The following ASTN2 variants were observed in gnomAD, a reference collection of about 807,000 sequenced individuals.
ASTN2 encodes the protein astrotactin-2.
A neutral mutation model predicts 139.8 loss-of-function variants in ASTN2; 54 were observed. That is an observed-to-expected ratio of 0.39 (90% CI 0.31 to 0.48). The LOEUF is 0.48. Ranked by LOEUF, ASTN2 falls within the 20% of genes least tolerant of loss-of-function variation. The pLI, the probability that ASTN2 is intolerant of heterozygous loss-of-function variation, is 0.95. For missense variants in ASTN2, 1,565 were observed against 1,725.1 expected (o/e 0.91, Z 1.64); for synonymous variants, 756 against 719.5 (o/e 1.05, Z -0.81).
At chr9:117,000,765 T>A (rs1588470699) in intron 7 of ASTN2, among the ~76,000 whole-genome samples, 4 of 152,290 alleles carry the variant, frequency 2.6e-5, no homozygotes, top group Admixed American at 2.6e-4. Context: ...CATCCAGTGT[T>A]GTGCTGGTAA....
At chr9:117,317,074 C>T (rs1828166288) in intron 1 of ASTN2, among the ~76,000 whole-genome samples, 1 of 152,076 alleles carries the variant, frequency 6.6e-6, no homozygotes, top group Non-Finnish European at 1.5e-5. Context: ...CCTCTACTTT[C>T]CCTCCCCTAT....
chr9:116,852,325 A>G (rs1832627988), intron 11 of ASTN2, among the ~76,000 whole-genome samples: 1 of 152,208 alleles, frequency 6.6e-6, no homozygotes, highest in Admixed American at 6.5e-5. Context: ...AGAGGGGCTC[A>G]GATACATTCA....
At chr9:117,381,494 A>T (rs547756038) in intron 1 of ASTN2, among the ~76,000 whole-genome samples, 3 of 152,240 alleles carry the variant, frequency 2.0e-5, no homozygotes, top group Admixed American at 6.5e-5. Context: ...CAAGATAGTG[A>T]CGGAGTTCTT....
At chr9:117,048,907 C>T (rs1307240232) in intron 5 of ASTN2, among the ~76,000 whole-genome samples, 1 of 149,606 alleles carries the variant, frequency 6.7e-6, no homozygotes, top group Non-Finnish European at 1.5e-5. Context: ...CTAAGTCCCA[C>T]TAGCTGGATA....
intron 17 of ASTN2, among the ~76,000 whole-genome samples, chr9:116,630,507 C>T (rs1042436359): frequency 2.0e-5 from 3 of 152,130 alleles, no homozygotes; most frequent in African/African-American, 7.2e-5. Context: ...TTCCTAAATA[C>T]TAAGGGCAGG....
At chr9:116,750,219 A>G (rs1829360334) in intron 13 of ASTN2, among the ~76,000 whole-genome samples, 1 of 152,344 alleles carries the variant, frequency 6.6e-6, no homozygotes, top group Middle Eastern at 3.4e-3. Context: ...TCAAAGCCAC[A>G]TTTTAACTGA....
In ASTN2 at chr9:116,424,840, T is replaced by G. The variant is rs1210185718; in HGVS notation, c.*1011A>C. On this transcript the variant is annotated 3_prime_UTR_variant, in exon 23 of 23. Coordinates refer to ENST00000313400, the MANE Select transcript of ASTN2 (RefSeq NM_001365068.1). ...CTGGCCTCAAGTGATCCACCTGCCC[T>G]GGCCTCCCAAAGTGCTAGGATTACA... is the stretch of plus-strand genomic sequence containing the variant. 6.6e-6 allele frequency among the ~76,000 whole-genome samples: 1 copy of G among 152,138 alleles called. No homozygotes were observed. The highest frequency in any genetic ancestry group is 2.4e-5 in the African/African-American group (1 of 41,430).
At chr9:117,204,893 T>C (rs1222637184) in intron 3 of ASTN2, among the ~76,000 whole-genome samples, 3 of 128,396 alleles carry the variant, frequency 2.3e-5, no homozygotes, top group Non-Finnish European at 5.0e-5. Context: ...GATTTTCTTT[T>C]AGACAAAGGA....
chr9:117,149,937 C>T (rs886896712), intron 3 of ASTN2, among the ~76,000 whole-genome samples: 10 of 152,122 alleles, frequency 6.6e-5, no homozygotes, highest in South Asian at 2.1e-4. Flanking sequence ...TTCAAGCAAG[C>T]GTCTGCAGAC....
chr9:116,532,872 A>C (rs904426068), intron 19 of ASTN2, among the ~76,000 whole-genome samples: 2 of 152,180 alleles, frequency 1.3e-5, no homozygotes, highest in Non-Finnish European at 2.9e-5. Context: ...CATGAACTTT[A>C]AAGTAGTTTT....
At chr9:116,775,608 AGAAGGAAGGAAGGAAG>A (rs534452959) in intron 13 of ASTN2, among the ~76,000 whole-genome samples, 1 of 34,852 alleles carries the variant, frequency 2.9e-5, no homozygotes, top group Non-Finnish European at 5.0e-5. Flanking sequence ...AGGGAGGGAA[AGAAGGAAGGAAGGAAG>A]GAAGGAAGGA....
chr9:116,965,266 C>T lies in ASTN2; in HGVS notation c.1889+9942G>A, dbSNP rs181237905. Among the ~76,000 whole-genome samples the T allele has an allele frequency of 1.5e-3, 235 of 152,306 alleles. 2 individuals are homozygous for T. The highest frequency in any genetic ancestry group is 3.9e-3 in the South Asian group (19 of 4,826). On this transcript the variant is annotated intron_variant, in intron 10 of 22. Coordinates refer to ENST00000313400, the MANE Select transcript of ASTN2 (RefSeq NM_001365068.1). ...AACCTGTTAGATGAATAAACTTAAA[C>T]ATTCAGGGAGAATTTTGAAGACATG...
At chr9:116,797,836 T>G (rs891382828) in intron 13 of ASTN2, among the ~76,000 whole-genome samples, 6 of 152,240 alleles carry the variant, frequency 3.9e-5, no homozygotes, top group African/African-American at 1.4e-4. Context: ...CAGGGTTGGA[T>G]GCCATGTCTC....
intron 4 of ASTN2, among the ~76,000 whole-genome samples, chr9:117,106,307 A>C (rs1587969705): frequency 6.6e-6 from 1 of 151,810 alleles, no homozygotes; most frequent in African/African-American, 2.4e-5. Context: ...GCTCACTGCA[A>C]CCTCCGCCTC....
intron 19 of ASTN2, among the ~76,000 whole-genome samples, chr9:116,536,087 T>C (rs1170977427): frequency 6.6e-6 from 1 of 152,050 alleles, no homozygotes; most frequent in African/African-American, 2.4e-5. Flanking sequence ...ACTTCTCTTC[T>C]TGCTTCATTT....
chr9:117,352,889 G>A (rs1411909945), intron 1 of ASTN2, among the ~76,000 whole-genome samples: 3 of 152,124 alleles, frequency 2.0e-5, no homozygotes, highest in African/African-American at 4.8e-5. Context: ...TAAGACACTA[G>A]GCTAAGTGAT....
chr9:116,439,442 C>A (rs1025018601), intron 22 of ASTN2, among the ~76,000 whole-genome samples: 4 of 139,462 alleles, frequency 2.9e-5, no homozygotes, highest in Non-Finnish European at 5.9e-5. Flanking sequence ...CCTCGTGATC[C>A]GCCCGCCTCG....
intron 10 of ASTN2, among the ~76,000 whole-genome samples, chr9:116,880,674 G>A (rs887307212): frequency 2.6e-5 from 4 of 152,098 alleles, no homozygotes. Flanking sequence ...GTGCAAATAT[G>A]CAAATACTGG....
intron 11 of ASTN2, among the ~76,000 whole-genome samples, chr9:116,854,684 C>T (rs1275156364): frequency 1.3e-5 from 2 of 149,998 alleles, no homozygotes; most frequent in African/African-American, 4.9e-5. Context: ...ACAAGTCTCC[C>T]TCTGTCCCCC....
Sources: gnomAD v4.1 joint callset for allele counts (sites outside exome capture counted in the v4.1 genomes callset) on GRCh38, gnomAD v4.1.1 for gene constraint, MANE v1.5 for transcripts, NCBI Gene and HGNC (gene_info 2026-07-23, HGNC 2026-07-21) for gene names.